MEI4: variants seen among roughly 807,000 people sequenced by gnomAD.
MEI4 encodes meiotic double-stranded break formation protein 4, also known as meiosis-specific protein MEI4.
Under a neutral mutation model 31.4 loss-of-function variants are expected in MEI4, and 27 were observed. That is an observed-to-expected ratio of 0.86 (90% confidence interval 0.63 to 1.19). MEI4 has a LOEUF of 1.19. Ranked by LOEUF, MEI4 falls within the 50% of genes most tolerant of loss-of-function variation. The pLI is 0.00. For missense variants in MEI4, 329 were observed against 398.9 expected (o/e 0.82, Z 1.49); for synonymous variants, 122 against 145.4 (o/e 0.84, Z 1.16).
chr6:77,687,172 A>G (rs543739641), intron 1 of MEI4, among the ~76,000 whole-genome samples: 51 of 152,084 alleles, frequency 3.4e-4, no homozygotes, highest in South Asian at 6.2e-4. Flanking sequence ...ACTGCTCCCA[A>G]ATAAAAAAGA....
intron 4 of MEI4, among the ~76,000 whole-genome samples, chr6:77,897,586 A>G (rs892752238): frequency 1.5e-4 from 23 of 152,006 alleles, no homozygotes; most frequent in Non-Finnish European, 2.9e-4. Context: ...TTCCAATACG[A>G]AAAAAGGGTA....
chr6:77,888,940 C>T (rs1249695463), intron 4 of MEI4, among the ~76,000 whole-genome samples: 1 of 152,170 alleles, frequency 6.6e-6, no homozygotes, highest in African/African-American at 2.4e-5. Flanking sequence ...CTCAGCACCT[C>T]TACTTCCAGC....
chr6:77,698,001 A>G lies in MEI4; in HGVS notation c.232+7098A>G, dbSNP rs9443451. On this transcript the variant is annotated intron_variant, in intron 2 of 4. Coordinates refer to ENST00000684080, the MANE Select transcript of MEI4 (RefSeq NM_001322247.2). ...ATAGTTAGCTCTTCTTGTTGAATTG[A>G]TCCCTTTGCCATTAGATAATGGTCT... 6.9e-3 allele frequency among the ~76,000 whole-genome samples: 1,058 copies of G among 152,238 alleles called. 13 individuals are homozygous for G. The highest frequency in any genetic ancestry group is 0.024 in the African/African-American group (999 of 41,538).
chr6:77,749,978 GAA>G (rs1360349947), intron 2 of MEI4, among the ~76,000 whole-genome samples: 1 of 152,154 alleles, frequency 6.6e-6, no homozygotes, highest in South Asian at 2.1e-4. Context: ...CATTCTTAAA[GAA>G]AAGAGTTTTC....
chr6:77,832,838 T>C (rs796933346), intron 4 of MEI4, among the ~76,000 whole-genome samples: 9 of 152,272 alleles, frequency 5.9e-5, no homozygotes, highest in African/African-American at 2.2e-4. Flanking sequence ...CTCATGCAAC[T>C]GGTATGTGTG....
At chr6:77,780,079 G>C (rs182205057) in intron 3 of MEI4, among the ~76,000 whole-genome samples, 12 of 152,256 alleles carry the variant, frequency 7.9e-5, no homozygotes, top group African/African-American at 2.9e-4. Context: ...CTTGCAGGCT[G>C]ACTACATGCA....
chr6:77,770,818 A>C (rs78027533), intron 3 of MEI4, among the ~76,000 whole-genome samples: 162 of 152,246 alleles, frequency 1.1e-3, no homozygotes, highest in African/African-American at 3.3e-3. Context: ...AACAAACAAA[A>C]AAAATAACTG....
chr6:77,674,963 G>C (rs1427496404), intron 1 of MEI4, among the ~76,000 whole-genome samples: 1 of 149,036 alleles, frequency 6.7e-6, no homozygotes, highest in African/African-American at 2.5e-5. Flanking sequence ...TCTTTTAACT[G>C]TGAAATTTAT....
intron 2 of MEI4, among the ~76,000 whole-genome samples, chr6:77,693,173 C>T (rs1231986640): frequency 6.6e-6 from 1 of 152,058 alleles, no homozygotes; most frequent in Non-Finnish European, 1.5e-5. Context: ...AATAGTATTA[C>T]ACAATTTACA....
intron 3 of MEI4, among the ~76,000 whole-genome samples, chr6:77,822,697 G>T (rs1370656135): frequency 2.8e-5 from 4 of 144,786 alleles, no homozygotes; most frequent in Non-Finnish European, 6.0e-5. Context: ...TCGGCTCACT[G>T]CAACCTCTGC....
At chr6:77,731,515 A>C (rs1165691033) in intron 2 of MEI4, among the ~76,000 whole-genome samples, 1 of 151,252 alleles carries the variant, frequency 6.6e-6, no homozygotes, top group Non-Finnish European at 1.5e-5. Context: ...TTCATTGTAG[A>C]TTCTGGATAT....
At chr6:77,653,002 A>G (rs142855984), upstream of MEI4, among the ~76,000 whole-genome samples, 146 of 152,280 alleles carry the variant, frequency 9.6e-4, 1 homozygote, top group South Asian at 8.1e-3. Context: ...TTCCTAAGAG[A>G]GGTCTCTCTT....
chr6:77,860,850 A>G (rs934519505), intron 4 of MEI4, among the ~76,000 whole-genome samples: 1 of 152,138 alleles, frequency 6.6e-6, no homozygotes, highest in African/African-American at 2.4e-5. Context: ...CTCCCTCTTC[A>G]TATGAACATT....
At chr6:77,753,536 C>T (rs1469358779) in intron 2 of MEI4, among the ~76,000 whole-genome samples, 2 of 152,142 alleles carry the variant, frequency 1.3e-5, no homozygotes, top group South Asian at 2.1e-4. Flanking sequence ...AAATGCAAAT[C>T]AAAACCACAA....
chr6:77,833,781 A>G (rs1409261877), intron 4 of MEI4, among the ~76,000 whole-genome samples: 1 of 151,726 alleles, frequency 6.6e-6, no homozygotes, highest in Non-Finnish European at 1.5e-5. Context: ...GCTCTCCCCT[A>G]CCTTTCCCCG....
chr6:77,764,448 T>C (rs771884182), intron 3 of MEI4, among the ~76,000 whole-genome samples: 15 of 152,198 alleles, frequency 9.9e-5, no homozygotes, highest in Non-Finnish European at 1.8e-4. Context: ...CTATTTATTT[T>C]TTGCTCCAGT....
At chr6:77,659,674 A>G (rs1487620016) in intron 1 of MEI4, among the ~76,000 whole-genome samples, 1 of 152,148 alleles carries the variant, frequency 6.6e-6, no homozygotes, top group Non-Finnish European at 1.5e-5. Context: ...AATAGAGGGC[A>G]AGTGTCTTCC....
intron 3 of MEI4, among the ~76,000 whole-genome samples, chr6:77,826,203 C>G (rs887071523): frequency 3.3e-5 from 5 of 152,134 alleles, no homozygotes; most frequent in African/African-American, 1.2e-4. Context: ...ATGAGTAGTT[C>G]TGGATATACA....
At chr6:77,870,212 A>G (rs1037385348) in intron 4 of MEI4, among the ~76,000 whole-genome samples, 2 of 152,194 alleles carry the variant, frequency 1.3e-5, no homozygotes, top group Non-Finnish European at 2.9e-5. Context: ...GTGCTGTTTT[A>G]GAATACTCTC....
Sources: gnomAD v4.1 joint callset for allele counts (sites outside exome capture counted in the v4.1 genomes callset) on GRCh38, gnomAD v4.1.1 for gene constraint, MANE v1.5 for transcripts, NCBI Gene and HGNC (gene_info 2026-07-23, HGNC 2026-07-21) for gene names.